Variants in MARK3 observed in about 807,000 individuals in gnomAD.
MARK3 encodes the protein MAP/microtubule affinity-regulating kinase 3.
A neutral mutation model predicts 90.1 loss-of-function variants in MARK3; 46 were observed. That is an observed-to-expected ratio of 0.51 (90% confidence interval 0.40 to 0.65). MARK3 has a LOEUF of 0.65. Ranked by LOEUF, MARK3 falls within the 30% of genes least tolerant of loss-of-function variation. MARK3 has a pLI of 0.00. For missense variants in MARK3, 818 were observed against 947.2 expected (o/e 0.86, Z 1.79); for synonymous variants, 321 against 332.6 (o/e 0.97, Z 0.38).
At chr14:103,429,836 A>G (rs1335417317) in intron 3 of MARK3, among the ~76,000 whole-genome samples, 4 of 152,216 alleles carry the variant, frequency 2.6e-5, no homozygotes, top group Non-Finnish European at 4.4e-5. Flanking sequence ...TGAGTATTCT[A>G]TGATGTTACA....
At chr14:103,450,917 T>TG (rs1566865994) in intron 4 of MARK3, among the ~76,000 whole-genome samples, 2 of 93,608 alleles carry the variant, frequency 2.1e-5, no homozygotes, top group Non-Finnish European at 2.1e-5. Context: ...TGTGTGTGTG[T>TG]ATTCTTTTTT....
intron 1 of MARK3, among the ~76,000 whole-genome samples, chr14:103,387,228 C>T (rs1320501301): frequency 6.6e-6 from 1 of 152,144 alleles, no homozygotes; most frequent in Non-Finnish European, 1.5e-5. Context: ...TCAAAAATGC[C>T]GCTTGTTTGC....
At chr14:103,478,765 C>G (rs1479088391) in intron 13 of MARK3, among the ~76,000 whole-genome samples, 1 of 152,140 alleles carries the variant, frequency 6.6e-6, no homozygotes, top group Non-Finnish European at 1.5e-5. Context: ...TCTCGAACTC[C>G]CGACCTCAGG....
intron 3 of MARK3, among the ~76,000 whole-genome samples, chr14:103,448,417 T>G (rs1313101405): frequency 6.6e-6 from 1 of 152,212 alleles, no homozygotes; most frequent in Non-Finnish European, 1.5e-5. Flanking sequence ...ACAACCTCCA[T>G]GCTAAGTTAC....
Position 103,454,313 on chromosome 14 carries a change from C to T in MARK3, c.412+2330C>T, listed in dbSNP as rs112088150. ...TGTTGCCCAGGCTCAAGTGCAGTGGCGCCATCTCAGCTCACTGCAACCTCT... is the reference window on the plus strand; with the variant it reads ...TGTTGCCCAGGCTCAAGTGCAGTGGTGCCATCTCAGCTCACTGCAACCTCT... On this transcript the variant is annotated intron_variant, in intron 5 of 17. Coordinates refer to ENST00000429436, the MANE Select transcript of MARK3 (RefSeq NM_001128918.3). Among the ~76,000 whole-genome samples, 221 of 151,790 alleles carry T rather than the reference C, an allele frequency of 1.5e-3. 1 individual carries two copies. The highest frequency in any genetic ancestry group is 5.0e-3 in the African/African-American group (206 of 41,390).
intron 3 of MARK3, among the ~76,000 whole-genome samples, chr14:103,438,920 C>T (rs1421069991): frequency 1.3e-5 from 2 of 150,556 alleles, no homozygotes; most frequent in African/African-American, 4.9e-5. Flanking sequence ...CCCGGGAGGT[C>T]GAGGCTGCAG....
intron 5 of MARK3, among the ~76,000 whole-genome samples, chr14:103,454,755 C>T (rs942737001): frequency 2.0e-5 from 3 of 152,080 alleles, no homozygotes; most frequent in African/African-American, 4.8e-5. Flanking sequence ...TTTAGGGCAG[C>T]GGTCTAATTT....
chr14:103,473,057 C>G (rs1185759086), intron 12 of MARK3, among the ~76,000 whole-genome samples: 2 of 151,678 alleles, frequency 1.3e-5, no homozygotes, highest in African/African-American at 4.8e-5. Context: ...AGATGGATCT[C>G]AAGGGAATTA....
intron 13 of MARK3, among the ~76,000 whole-genome samples, chr14:103,477,421 G>A (rs2093733812): frequency 6.6e-6 from 1 of 152,066 alleles, no homozygotes; most frequent in Non-Finnish European, 1.5e-5. Flanking sequence ...TAACCGAGAA[G>A]ATGGAGGTTG....
At chr14:103,388,441 A>G (rs965289096) in intron 1 of MARK3, among the ~76,000 whole-genome samples, 2 of 152,192 alleles carry the variant, frequency 1.3e-5, no homozygotes, top group Non-Finnish European at 2.9e-5. Context: ...CTGCACTGCT[A>G]AGTATTAGAC....
At chr14:103,431,288 T>G (rs911471873) in intron 3 of MARK3, among the ~76,000 whole-genome samples, 1 of 152,054 alleles carries the variant, frequency 6.6e-6, no homozygotes, top group Admixed American at 6.6e-5. Context: ...GATGGGGGAT[T>G]TGCCATGTTA....
At chr14:103,460,104 T>TTTTTTTTTTTTTTTTTTTTTTA (rs869151389) in intron 6 of MARK3, among the ~76,000 whole-genome samples, 1 of 108,542 alleles carries the variant, frequency 9.2e-6, no homozygotes, top group Non-Finnish European at 1.9e-5. Flanking sequence ...TTTTTTTTTT[T>TTTTTTTTTTTTTTTTTTTTTTA]GAGACAAATC....
At chr14:103,429,978 T>G (rs1189183014) in intron 3 of MARK3, among the ~76,000 whole-genome samples, 1 of 152,184 alleles carries the variant, frequency 6.6e-6, no homozygotes, top group African/African-American at 2.4e-5. Flanking sequence ...CTTTAGTCAT[T>G]TTTTATTTTA....
chr14:103,498,612 C>T, intron 16 of MARK3, 84 bp downstream of exon 16: 1 of 1,219,388 alleles, frequency 8.2e-7, no homozygotes, highest in Non-Finnish European at 1.1e-6. Context: ...GCTTTCTGGC[C>T]CTGTTTTTTC....
intron 15 of MARK3, among the ~76,000 whole-genome samples, chr14:103,496,179 C>T (rs1323410433): frequency 2.0e-5 from 3 of 152,214 alleles, no homozygotes; most frequent in South Asian, 2.1e-4. Flanking sequence ...TGAAGGCCTC[C>T]TCCTGCAGCT....
intron 5 of MARK3, among the ~76,000 whole-genome samples, chr14:103,456,151 A>T (rs1205186268): frequency 1.3e-5 from 2 of 152,066 alleles, no homozygotes; most frequent in Admixed American, 1.3e-4. Flanking sequence ...TTTCACCTCC[A>T]TTGTATCCTG....
chr14:103,454,992 T>C (rs2093242937), intron 5 of MARK3, among the ~76,000 whole-genome samples: 1 of 134,180 alleles, frequency 7.5e-6, no homozygotes. Context: ...TTAACCTGAA[T>C]GTTAATACAT....
intron 2 of MARK3, among the ~76,000 whole-genome samples, chr14:103,409,832 A>G (rs2140792367): frequency 6.6e-6 from 1 of 152,260 alleles, no homozygotes. Flanking sequence ...ATTTCCTATC[A>G]GTGGGCATTA....
intron 1 of MARK3, among the ~76,000 whole-genome samples, chr14:103,399,387 A>G (rs1020610910): frequency 1.3e-5 from 2 of 152,130 alleles, no homozygotes; most frequent in African/African-American, 4.8e-5. Flanking sequence ...ACAGTGCCCT[A>G]AACAAATAGG....
Sources: allele counts gnomAD v4.1 joint callset (sites outside exome capture counted in the v4.1 genomes callset), GRCh38; gene constraint gnomAD v4.1.1; transcripts MANE v1.5; gene names NCBI Gene and HGNC (gene_info 2026-07-23, HGNC 2026-07-21).